Variants in IDE observed in about 807,000 individuals in gnomAD.
IDE encodes the protein insulin-degrading enzyme.
IDE carries 58 observed loss-of-function variants against 133.2 expected under a neutral mutation model. The observed-to-expected ratio is 0.44, with a 90% confidence interval of 0.35 to 0.54. The LOEUF (loss-of-function observed/expected upper bound fraction) is 0.54, where lower values mean the gene tolerates loss of function less well. IDE is among the 20% of genes least tolerant of loss of function. IDE has a pLI of 0.00. For missense variants in IDE, 981 were observed against 1,234.0 expected (o/e 0.79, Z 3.07); for synonymous variants, 396 against 421.3 (o/e 0.94, Z 0.73).
intron 12 of IDE, among the ~76,000 whole-genome samples, chr10:92,489,551 C>T (rs562165655): frequency 8.6e-5 from 13 of 152,028 alleles, no homozygotes; most frequent in Non-Finnish European, 1.8e-4. Context: ...AATTCCCATT[C>T]AGGGCAGGTT....
chr10:92,478,711 C>A, intron 15 of IDE: 1 of 1,282,460 alleles, frequency 7.8e-7, no homozygotes, highest in Non-Finnish European at 1.0e-6. Context: ...CATATGTATA[C>A]TCTTTTAAAT....
intron 3 of IDE, 94 bp downstream of exon 3, chr10:92,534,484 T>A: frequency 1.3e-6 from 1 of 789,604 alleles, no homozygotes; most frequent in Non-Finnish European, 2.0e-6. Flanking sequence ...TACCTTTTGT[T>A]AAATTATGAA....
chr10:92,573,781 G>T, intron 1 of IDE, 141 bp downstream of exon 1: 1 of 615,210 alleles, frequency 1.6e-6, no homozygotes, highest in Non-Finnish European at 2.6e-6. Flanking sequence ...CAGCGCGGCA[G>T]TACGGGCCCC....
At chr10:92,467,736 C>T (rs550707057) in intron 19 of IDE, among the ~76,000 whole-genome samples, 2 of 152,170 alleles carry the variant, frequency 1.3e-5, no homozygotes, top group Non-Finnish European at 2.9e-5. Flanking sequence ...ATCAGCACAT[C>T]CTGAGTCTTG....
chr10:92,563,630 A>G (rs1843385226), intron 1 of IDE, among the ~76,000 whole-genome samples: 1 of 152,010 alleles, frequency 6.6e-6, no homozygotes, highest in Non-Finnish European at 1.5e-5. Flanking sequence ...ACGCGCCTGT[A>G]GTCCCAACTA....
At chr10:92,524,653 T>G (rs1849528897) in intron 4 of IDE, among the ~76,000 whole-genome samples, 1 of 143,804 alleles carries the variant, frequency 7.0e-6, no homozygotes, top group South Asian at 2.1e-4. Context: ...CTGGGCACAG[T>G]GGCTCACGCC....
chr10:92,508,205 C>T lies in IDE; in HGVS notation c.1061G>A (p.Gly354Asp), dbSNP rs761093948. The stretch of plus-strand genomic sequence containing the variant: ...CCCACCAACAAGAGTATTAACCCAG[C>T]CTGCAACATTCAAAGGAAATCAATA... ...GSLLSELKSKGWVNTLVGGQK... is the reference protein window; with the variant it reads ...GSLLSELKSKDWVNTLVGGQK... Residue 354 changes from glycine to aspartate, a missense_variant and splice_region_variant, in exon 8 of 25, where the codon GGC (glycine) becomes GAC (aspartate). Around this residue, in one of 2 missense-constraint regions of IDE, gnomAD observed 660 missense variants for 894.7 expected, o/e 0.74. Transcript: ENST00000265986. The T allele has an allele frequency of 6.2e-7, 1 of 1,609,988 alleles. No individual in the cohort carries two copies. Among genetic ancestry groups the T allele is most frequent in the Admixed American group, 1.7e-5 (1 of 59,292 alleles).
intron 11 of IDE, among the ~76,000 whole-genome samples, chr10:92,499,469 G>A (rs1011372418): frequency 6.6e-6 from 1 of 151,572 alleles, no homozygotes; most frequent in Non-Finnish European, 1.5e-5. Context: ...GTCTCACCCT[G>A]TTGCCCAGGC....
intron 1 of IDE, among the ~76,000 whole-genome samples, chr10:92,541,679 A>G (rs1246481520): frequency 6.6e-6 from 1 of 152,238 alleles, no homozygotes; most frequent in Non-Finnish European, 1.5e-5. Flanking sequence ...AGTAATTACA[A>G]CATATATTTT....
At chr10:92,485,125 C>CTTTTTTTTTT (rs34615998) in intron 13 of IDE, among the ~76,000 whole-genome samples, 18 of 100,856 alleles carry the variant, frequency 1.8e-4, no homozygotes, top group African/African-American at 2.7e-4. Flanking sequence ...TTCTTTCTTT[C>CTTTTTTTTTT]TTTTTTTTTT....
Position 92,458,490 on chromosome 10 carries a change from GTTTTTTTTTTTTTTTTT to G in IDE, c.2824-2076_2824-2060del, listed in dbSNP as rs71028821. ...AGGCCTGGTTATAAATACTCTCTCTGTTTTTTTTTTTTTTTTTTTTTTTTTTTTTGAGATGGAGTCTC... is the reference window on the plus strand; with the variant it reads ...AGGCCTGGTTATAAATACTCTCTCTGTTTTTTTTTTTTGAGATGGAGTCTC... On this transcript the variant is annotated intron_variant, in intron 22 of 24. Coordinates refer to ENST00000265986, the MANE Select transcript of IDE (RefSeq NM_004969.4). Among the ~76,000 whole-genome samples, 696 of 83,904 alleles carry G rather than the reference GTTTTTTTTTTTTTTTTT, an allele frequency of 8.3e-3. 7 individuals are homozygous for G. Among genetic ancestry groups the G allele is most frequent in the East Asian group, 0.012 (45 of 3,726 alleles). The allele number at this position is 83,904 out of a possible 152,430, so 55.0% of individuals were successfully genotyped here. A position where few individuals can be genotyped will look rare whatever the true frequency, so the allele number is the denominator to read the frequency against.
intron 15 of IDE, among the ~76,000 whole-genome samples, chr10:92,477,919 A>G (rs1479329494): frequency 6.6e-6 from 1 of 152,230 alleles, no homozygotes; most frequent in African/African-American, 2.4e-5. Flanking sequence ...ATGTGAAGAA[A>G]AAAAAGTCAC....
chr10:92,507,947 T>C (rs1313868702), intron 8 of IDE, among the ~76,000 whole-genome samples, 166 bp downstream of exon 8: 1 of 152,136 alleles, frequency 6.6e-6, no homozygotes, highest in Non-Finnish European at 1.5e-5. Context: ...GGAAGAATCA[T>C]CCATGAAACA....
At position 92,478,611 on chromosome 10, in the gene IDE, G is replaced by A. The variant is rs565035127; in HGVS notation, c.1884+666C>T. 5.3e-6 allele frequency: 6 copies of A among 1,128,728 alleles called. No individual in the cohort carries two copies. In the South Asian group the frequency reaches 1.2e-4, roughly 22 times the overall value. The allele number at this position is 1,128,728 out of a possible 1,614,324, so 69.9% of individuals were successfully genotyped here. On this transcript the variant is annotated intron_variant, in intron 15 of 24. Transcript: ENST00000265986. ...AAGCTCAACATAATGCTTAAACGGG[G>A]TGGTGCCTTTTCTTTGGTTTTCATT...
intron 22 of IDE, among the ~76,000 whole-genome samples, chr10:92,459,482 G>C (rs79806591): frequency 0.019 from 2,950 of 152,232 alleles, 44 homozygotes; most frequent in Admixed American, 0.052. Context: ...AAAAGGATGT[G>C]GGCACAGGGC....
intron 1 of IDE, among the ~76,000 whole-genome samples, chr10:92,549,279 C>T (rs1261427828): frequency 2.6e-5 from 4 of 151,600 alleles, no homozygotes; most frequent in Non-Finnish European, 5.9e-5. Context: ...GATTTTGGCA[C>T]AAAATATCAA....
chr10:92,537,233 G>T, intron 2 of IDE, 133 bp downstream of exon 2: 1 of 585,758 alleles, frequency 1.7e-6, no homozygotes, highest in East Asian at 2.9e-5. Flanking sequence ...AGCTTTACGA[G>T]GGTTCTGGTA....
intron 18 of IDE, among the ~76,000 whole-genome samples, chr10:92,469,636 C>T (rs966719338): frequency 2.6e-5 from 4 of 152,044 alleles, no homozygotes; most frequent in Non-Finnish European, 4.4e-5. Context: ...AGGCTGCTCT[C>T]GAACTCTTGG....
intron 1 of IDE, among the ~76,000 whole-genome samples, chr10:92,568,015 T>C (rs1843632049): frequency 6.6e-6 from 1 of 152,210 alleles, no homozygotes; most frequent in South Asian, 2.1e-4. Flanking sequence ...TTCATCCAAT[T>C]CAATATTTCC....
Sources: gnomAD v4.1 joint callset for allele counts (sites outside exome capture counted in the v4.1 genomes callset) on GRCh38, gnomAD v4.1.1 for gene constraint, gnomAD v4.1.1 regional missense constraint, MANE v1.5 for transcripts, NCBI Gene and HGNC (gene_info 2026-07-23, HGNC 2026-07-21) for gene names.